Variants in PCDH1 observed in about 807,000 individuals in gnomAD.
The protein encoded by PCDH1 is protocadherin 1.
PCDH1 carries 23 observed loss-of-function variants against 74.6 expected under a neutral mutation model. That is an observed-to-expected ratio of 0.31 (90% CI 0.22 to 0.44). The LOEUF is 0.44. Ranked by LOEUF, PCDH1 falls within the 20% of genes least tolerant of loss-of-function variation. PCDH1 has a pLI of 1.00. For missense variants in PCDH1, 1,214 were observed against 1,641.4 expected, an observed-to-expected ratio of 0.74 and a Z score of 4.50; for synonymous variants, 647 against 686.1, an observed-to-expected ratio of 0.94 and a Z score of 0.89.
chr5:141,854,863 G>A (rs1752268767), intron 4 of PCDH1, among the ~76,000 whole-genome samples: 1 of 151,966 alleles, frequency 6.6e-6, no homozygotes, highest in South Asian at 2.1e-4. Context: ...GTAGAGATGG[G>A]GTTTCACCAG....
In PCDH1 at chr5:141,854,312, G is replaced by A. The variant is rs754682841; in HGVS notation, c.3444C>T (p.Ser1148=). 1.6e-5 allele frequency: 26 copies of A among 1,613,576 alleles called. No homozygotes were observed. In the African/African-American group the frequency reaches 2.4e-4, roughly 15 times the overall value. ...GCACGAAGGTGGAGAGTTTGAGGGC[G>A]CTGCTCTTGGTCCGGCGGCTGGGAG... ...QSSPSRRTKS[S]ALKLSTFVPY... is the part of the protein sequence containing the mutation. The change falls in exon 5 of 5, where the codon AGC becomes AGT. Residue 1148 remains serine, a synonymous_variant. Transcript: ENST00000287008.
chr5:141,865,927 A>C lies in PCDH1; in HGVS notation c.904-500T>G. On this transcript the variant is annotated intron_variant, in intron 2 of 4. Coordinates refer to ENST00000287008, the MANE Select transcript of PCDH1 (RefSeq NM_032420.5). The surrounding 1 kb of genome is among the most constrained non-coding windows in gnomAD (Gnocchi z 4.4). ...GTGTATGATTGTGTCAGAATGTGTG[A>C]TTAAATGTGATATGTTTGTGTGAGA... 3.8e-6 allele frequency: 2 copies of C among 524,036 alleles called. No homozygotes were observed. Among genetic ancestry groups the C allele is most frequent in the Non-Finnish European group, 5.0e-6 (2 of 399,892 alleles). 32.5% of individuals were successfully genotyped at this position (524,036 alleles called of 1,614,324 possible). A position where few individuals can be genotyped will look rare whatever the true frequency, so the allele number is the denominator to read the frequency against.
In PCDH1 at chr5:141,870,983, G is replaced by A. The variant is rs184083491; in HGVS notation, c.41-1552C>T. On this transcript the variant is annotated intron_variant, in intron 1 of 4. Transcript: ENST00000287008. Reference sequence around the variant, plus strand: ...CAGGAAACCTTCACAGTCCTCTCCTGCCCACGGTGACCTCTCCTTCCTCCA... The same window carrying A: ...CAGGAAACCTTCACAGTCCTCTCCTACCCACGGTGACCTCTCCTTCCTCCA... Among the ~76,000 whole-genome samples the A allele has an allele frequency of 8.5e-5, 13 of 152,150 alleles. No homozygotes were observed. In the East Asian group the frequency reaches 2.3e-3, roughly 27 times the overall value.
Position 141,865,772 on chromosome 5 carries a change from C to T in PCDH1, c.904-345G>A, listed in dbSNP as rs917014674. Among the ~76,000 whole-genome samples, 1 of 152,216 alleles carries T rather than the reference C, an allele frequency of 6.6e-6. No homozygotes were observed. The highest frequency in any genetic ancestry group is 2.4e-5 in the African/African-American group (1 of 41,450). On this transcript the variant is annotated intron_variant, in intron 2 of 4. Coordinates refer to ENST00000287008, the MANE Select transcript of PCDH1 (RefSeq NM_032420.5). This position sits in a 1 kb window ranked among gnomAD's most constrained non-coding sequence, Gnocchi z 4.4. ...AGGAGAGGATGAGGATCCAATAGAA[C>T]TAGGGAAGCCATTTCACCAATGAAC... is the stretch of plus-strand genomic sequence containing the variant.
intron 1 of PCDH1, among the ~76,000 whole-genome samples, chr5:141,876,597 G>C (rs552600932): frequency 6.6e-6 from 1 of 152,370 alleles, no homozygotes; most frequent in Non-Finnish European, 1.5e-5. Flanking sequence ...ACTGAGGCCA[G>C]AATTCTGACT....
intron 2 of PCDH1, among the ~76,000 whole-genome samples, chr5:141,867,867 C>T (rs1329116158): frequency 6.6e-6 from 1 of 152,220 alleles, no homozygotes; most frequent in African/African-American, 2.4e-5. Flanking sequence ...TTTGCTCCCT[C>T]CCAGTCCCCA....
At chr5:141,871,977 T>C (rs1222314800) in intron 1 of PCDH1, among the ~76,000 whole-genome samples, 1 of 152,204 alleles carries the variant, frequency 6.6e-6, no homozygotes, top group African/African-American at 2.4e-5. Context: ...ACAGAGTCTT[T>C]AGATAAATCA....
chr5:141,854,440 T>C lies in PCDH1; in HGVS notation c.3320-4A>G. 1 of 1,599,818 alleles carries C rather than the reference T, an allele frequency of 6.3e-7. No homozygotes were observed. The highest frequency in any genetic ancestry group is 8.5e-7 in the Non-Finnish European group (1 of 1,172,210). On this transcript the variant is annotated splice_region_variant and splice_polypyrimidine_tract_variant and intron_variant, in intron 4 of 4. Coordinates refer to ENST00000287008, the MANE Select transcript of PCDH1 (RefSeq NM_032420.5). ...ACATCAGGCAAAGGGCGAAGGTCTG[T>C]AGGAGGGAGCGGGGAAGGACAATTG...
At chr5:141,861,696 C>G (rs1752571191) in intron 3 of PCDH1, among the ~76,000 whole-genome samples, 1 of 152,132 alleles carries the variant, frequency 6.6e-6, no homozygotes, top group Non-Finnish European at 1.5e-5. Context: ...AGCCTTGGTC[C>G]TCTTGGGAGT....
chr5:141,865,106 C>A lies in PCDH1; in HGVS notation c.1225G>T (p.Ala409Ser), dbSNP rs1360479113. ...DGMANISEDV[A>S]EETAVALVQV... ...ACCAGGGCCACAGCTGTCTCCTCTGCCACATCCTCTGAGATGTTAGCCATC... is the reference window on the plus strand; with the variant it reads ...ACCAGGGCCACAGCTGTCTCCTCTGACACATCCTCTGAGATGTTAGCCATC... Residue 409 changes from alanine to serine, a missense_variant, in exon 3 of 5, where the codon GCA (alanine) becomes TCA (serine). By Grantham distance (99) the Ala-to-Ser change is moderately conservative. This residue lies in a region of PCDH1 where 836 missense variants were observed against 1,182.2 expected (regional missense o/e 0.71). Coordinates refer to ENST00000287008, the MANE Select transcript of PCDH1 (RefSeq NM_032420.5). This position sits in a 1 kb window ranked among gnomAD's most constrained non-coding sequence, Gnocchi z 4.4. The A allele has an allele frequency of 1.9e-6, 3 of 1,614,096 alleles. No homozygotes were observed. Among genetic ancestry groups the A allele is most frequent in the Non-Finnish European group, 2.5e-6 (3 of 1,180,044 alleles).
At chr5:141,867,345 C>T (rs1226079325) in intron 2 of PCDH1, 2 of 293,020 alleles carry the variant, frequency 6.8e-6, no homozygotes, top group East Asian at 2.1e-4. Flanking sequence ...CACACCTAGG[C>T]TCTGAAGCCA....
intron 4 of PCDH1, 94 bp from the exon 5 acceptor site, chr5:141,854,530 A>G: frequency 7.5e-7 from 1 of 1,329,440 alleles, no homozygotes; most frequent in South Asian, 1.4e-5. Context: ...ACCCCACCTC[A>G]GGACAGGAGT....
Position 141,863,254 on chromosome 5 carries a change from G to A in PCDH1, c.3077C>T (p.Pro1026Leu), listed in dbSNP as rs1364720699. 1 of 1,593,174 alleles carries A rather than the reference G, an allele frequency of 6.3e-7. No individual in the cohort carries two copies. Among genetic ancestry groups the A allele is most frequent in the Non-Finnish European group, 8.5e-7 (1 of 1,169,600 alleles). Residue 1026 changes from proline to leucine, a missense_variant, in exon 3 of 5, where the codon CCC (proline) becomes CTC (leucine). Pro to Leu is a moderately conservative substitution (Grantham distance 98). Around this residue, in one of 4 missense-constraint regions of PCDH1, gnomAD observed 836 missense variants for 1,182.2 expected, o/e 0.71. Coordinates refer to ENST00000287008, the MANE Select transcript of PCDH1 (RefSeq NM_032420.5). The surrounding 1 kb of genome is among the most constrained non-coding windows in gnomAD (Gnocchi z 7.5). The stretch of plus-strand genomic sequence containing the variant: ...TACCTGCTTGCTGGGGTATTTGGGG[G>A]GGTTGGTGCGGTAGCTGTAGTCGGA... Reference protein sequence around the residue: ...QYSDYSYRTNPPKYPSKQLPH... With the variant: ...QYSDYSYRTNLPKYPSKQLPH...
Position 141,869,421 on chromosome 5 carries a change from A to C in PCDH1, c.51T>G (p.Ile17Met). The change falls in exon 2 of 5, where the codon ATT becomes ATG. Residue 17 changes from isoleucine to methionine, a missense_variant. Ile to Met is a conservative substitution (Grantham distance 10, BLOSUM62 1). Coordinates refer to ENST00000287008, the MANE Select transcript of PCDH1 (RefSeq NM_032420.5). The surrounding 1 kb of genome is among the most constrained non-coding windows in gnomAD (Gnocchi z 4.9). ...GRRCPEAALL[I>M]LGPPRMEHLR... is the part of the protein sequence containing the mutation. ...GGTGCTCCATCCTGGGAGGCCCCAG[A>C]ATCAGGAGGGCTGCAAGGGGAAGAG... 1 of 1,597,658 alleles carries C rather than the reference A, an allele frequency of 6.3e-7. No homozygotes were observed.
In PCDH1 at chr5:141,869,164, C is replaced by G; in HGVS notation, c.308G>C (p.Gly103Ala). ...GGTGGTGAAAATGTCACCTGTCTTG[C>G]CATCCACGCGAAGGTACGGGGCACC... ...EVGAPYLRVDGKTGDIFTTET... is the reference protein window; with the variant it reads ...EVGAPYLRVDAKTGDIFTTET... Residue 103 changes from glycine (G) to alanine (A), a missense_variant, in exon 2 of 5, where the codon GGC (glycine) becomes GCC (alanine). Coordinates refer to ENST00000287008, the MANE Select transcript of PCDH1 (RefSeq NM_032420.5). This position sits in a 1 kb window ranked among gnomAD's most constrained non-coding sequence, Gnocchi z 4.9. 1 of 1,613,968 alleles carries G rather than the reference C, an allele frequency of 6.2e-7. No individual in the cohort carries two copies.
In PCDH1 at chr5:141,868,754, G is replaced by A. The variant is rs775181487; in HGVS notation, c.718C>T (p.Arg240Cys). 6.8e-6 allele frequency: 11 copies of A among 1,614,216 alleles called. No individual in the cohort carries two copies. The highest frequency in any genetic ancestry group is 2.2e-5 in the East Asian group (1 of 44,874). ...AGGTCATAGGAGTCCCAGCGCTCAC[G>A]GTCCAGGTTGCCCATCACAATGAGC... ...PQLIVMGNLD[R>C]ERWDSYDLTI... Residue 240 changes from arginine to cysteine, a missense_variant, in exon 2 of 5, where the codon CGT (arginine) becomes TGT (cysteine). Around this residue, in one of 4 missense-constraint regions of PCDH1, gnomAD observed 836 missense variants for 1,182.2 expected, o/e 0.71. Coordinates refer to ENST00000287008, the MANE Select transcript of PCDH1 (RefSeq NM_032420.5). The surrounding 1 kb of genome is among the most constrained non-coding windows in gnomAD (Gnocchi z 4.8).
chr5:141,857,319 C>T lies in PCDH1; in HGVS notation c.3252G>A (p.Leu1084=). The T allele has an allele frequency of 6.2e-7, 1 of 1,613,354 alleles. No individual in the cohort carries two copies. The part of the protein sequence containing the change: ...SSGPRLGPLA[L]PEDHYERTTP... ...TGGTGCGCTCATAGTGATCCTCAGG[C>T]AGGGCCAGGGGACCGAGTCGAGGCC... is the stretch of plus-strand genomic sequence containing the variant. The change falls in exon 4 of 5, where the codon CTG becomes CTA. Residue 1084 remains leucine, a synonymous_variant. Transcript: ENST00000287008.
chr5:141,875,664 C>A (rs7736987), intron 1 of PCDH1, among the ~76,000 whole-genome samples: 68,939 of 151,964 alleles, frequency 0.45, 17,323 homozygotes, highest in East Asian at 0.8. Context: ...AGCTGAAGTC[C>A]CTTTTGGAAT....
Position 141,863,632 on chromosome 5 carries a change from T to C in PCDH1, c.2699A>G (p.Lys900Arg), listed in dbSNP as rs375137241. 17 of 1,614,078 alleles carry C rather than the reference T, an allele frequency of 1.1e-5. No individual in the cohort carries two copies. Among genetic ancestry groups the C allele is most frequent in the Non-Finnish European group, 1.4e-5 (17 of 1,180,032 alleles). The change falls in exon 3 of 5, where the codon AAG (lysine) becomes AGG (arginine). Residue 900 changes from lysine (K) to arginine (R), a missense_variant. Transcript: ENST00000287008. This position sits in a 1 kb window ranked among gnomAD's most constrained non-coding sequence, Gnocchi z 7.5. Reference protein sequence around the residue: ...KKETKDLYAPKPSGKASKGNK... With the variant: ...KKETKDLYAPRPSGKASKGNK... ...TCCCTTGGAGGCCTTGCCACTGGGCTTGGGGGCATACAGGTCCTTGGTCTC... is the reference window on the plus strand; with the variant it reads ...TCCCTTGGAGGCCTTGCCACTGGGCCTGGGGGCATACAGGTCCTTGGTCTC...
Sources: allele counts gnomAD v4.1 joint callset (sites outside exome capture counted in the v4.1 genomes callset), GRCh38; gene constraint gnomAD v4.1.1; regional missense constraint gnomAD v4.1.1; non-coding constraint Gnocchi (gnomAD v3.1); transcripts MANE v1.5; gene names NCBI Gene and HGNC (gene_info 2026-07-23, HGNC 2026-07-21).